The following CNR1 variants were observed in gnomAD, a reference collection of about 807,000 sequenced individuals.
CNR1 encodes the protein cannabinoid receptor 1.
Under a neutral mutation model 23.0 loss-of-function variants are expected in CNR1, and 10 were observed. The ratio of observed to expected loss-of-function variants is 0.43; its 90% confidence interval spans 0.27 to 0.74. CNR1 has a LOEUF of 0.74. Ranked by LOEUF, CNR1 falls within the 30% of genes least tolerant of loss-of-function variation. CNR1 has a pLI of 0.19. For synonymous variants in CNR1, 271 were observed against 255.2 expected (o/e 1.06, Z -0.59); for missense variants, 422 against 618.8 (o/e 0.68, Z 3.37).
At chr6:88,145,773 A>C (rs1777146895) in intron 1 of CNR1, among the ~76,000 whole-genome samples, 1 of 152,240 alleles carries the variant, frequency 6.6e-6, no homozygotes, top group Non-Finnish European at 1.5e-5. Context: ...GATGTGTCAC[A>C]TGACCCCTAC....
chr6:88,148,260 T>C (rs1429703183), intron 1 of CNR1, among the ~76,000 whole-genome samples: 1 of 152,238 alleles, frequency 6.6e-6, no homozygotes, highest in Non-Finnish European at 1.5e-5. Flanking sequence ...ACACCCTTTC[T>C]GGGCTCCCAG....
Position 88,144,190 on chromosome 6 carries a change from A to G in CNR1, c.1085T>C (p.Ile362Thr). The change falls in exon 2 of 2, where the codon ATC (isoleucine) becomes ACC (threonine). Residue 362 changes from isoleucine (I) to threonine (T), a missense_variant. This residue lies in a region of CNR1 where 211 missense variants were observed against 357.3 expected (regional missense o/e 0.59). Coordinates refer to ENST00000369501, the MANE Select transcript of CNR1 (RefSeq NM_016083.6). The surrounding 1 kb of genome is among the most constrained non-coding windows in gnomAD (Gnocchi z 7.8). ...LIICWGPLLA[I>T]MVYDVFGKMN... ...CTTCCCAAAGACATCATACACCATG[A>G]TTGCAAGCAGAGGGCCCCAGCAGAT... 6.2e-7 allele frequency: 1 copy of G among 1,613,380 alleles called. No homozygotes were observed. The highest frequency in any genetic ancestry group is 8.5e-7 in the Non-Finnish European group (1 of 1,179,996).
chr6:88,157,427 AC>A (rs1777861545), intron 1 of CNR1, among the ~76,000 whole-genome samples: 1 of 152,216 alleles, frequency 6.6e-6, no homozygotes, highest in Non-Finnish European at 1.5e-5. Flanking sequence ...TATGTATTTT[AC>A]AACTGAATTA....
chr6:88,152,824 G>A (rs1293732195), intron 1 of CNR1, among the ~76,000 whole-genome samples: 1 of 152,132 alleles, frequency 6.6e-6, no homozygotes, highest in Non-Finnish European at 1.5e-5. Context: ...CTTCCTTTGA[G>A]AGTTCATTAC....
chr6:88,144,917 C>T lies in CNR1; in HGVS notation c.358G>A (p.Ala120Thr). Residue 120 changes from alanine (A) to threonine (T), a missense_variant, in exon 2 of 2, where the codon GCA becomes ACA. Ala to Thr is a moderately conservative substitution (Grantham distance 58, BLOSUM62 0). This residue lies in a region of CNR1 where 211 missense variants were observed against 357.3 expected (regional missense o/e 0.59). Coordinates refer to ENST00000369501, the MANE Select transcript of CNR1 (RefSeq NM_016083.6). The surrounding 1 kb of genome is among the most constrained non-coding windows in gnomAD (Gnocchi z 7.8). ...VLNPSQQLAIAVLSLTLGTFT... is the reference protein window; with the variant it reads ...VLNPSQQLAITVLSLTLGTFT... ...GTGCCCAGCGTGAGGGACAGGACTG[C>T]AATGGCCAGCTGCTGGCTGGGGTTC... 1.2e-6 allele frequency: 2 copies of T among 1,614,204 alleles called. No homozygotes were observed. Among genetic ancestry groups the T allele is most frequent in the Middle Eastern group, 1.6e-4 (1 of 6,062 alleles).
At chr6:88,148,983 C>T (rs1475642664) in intron 1 of CNR1, among the ~76,000 whole-genome samples, 1 of 152,136 alleles carries the variant, frequency 6.6e-6, no homozygotes. Context: ...GTCTGGGCTT[C>T]TGAACCAGTT....
intron 1 of CNR1, among the ~76,000 whole-genome samples, chr6:88,150,872 G>C (rs915772622): frequency 3.9e-5 from 6 of 152,196 alleles, no homozygotes; most frequent in African/African-American, 1.4e-4. Context: ...AGTTTGCAAG[G>C]AGCAAGAGTT....
intron 1 of CNR1, among the ~76,000 whole-genome samples, chr6:88,152,260 C>T (rs1386128316): frequency 6.6e-6 from 1 of 150,986 alleles, no homozygotes; most frequent in Non-Finnish European, 1.5e-5. Flanking sequence ...AGGCATTTTG[C>T]CAATAGTAAT....
chr6:88,150,657 C>T (rs889295323), intron 1 of CNR1, among the ~76,000 whole-genome samples: 1 of 152,136 alleles, frequency 6.6e-6, no homozygotes, highest in African/African-American at 2.4e-5. Context: ...TAAATTGAAT[C>T]CAACCACAGG....
rs1303777021 is a variant in CNR1, at chr6:88,143,346, A to G, written c.*510T>C. On this transcript the variant is annotated 3_prime_UTR_variant, in exon 2 of 2. Transcript: ENST00000369501. ...TCCACTGCTTGTCCATTGTTCTCATAAAAGTCTACCTTTCAGTTTTGCTGA... is the reference window on the plus strand; with the variant it reads ...TCCACTGCTTGTCCATTGTTCTCATGAAAGTCTACCTTTCAGTTTTGCTGA... 1 of 154,110 alleles carries G rather than the reference A, an allele frequency of 6.5e-6. No individual in the cohort carries two copies. The highest frequency in any genetic ancestry group is 1.4e-5 in the Non-Finnish European group (1 of 69,072). 9.5% of individuals were successfully genotyped at this position (154,110 alleles called of 1,614,324 possible).
chr6:88,153,078 T>C (rs1215040955), intron 1 of CNR1, among the ~76,000 whole-genome samples: 1 of 152,210 alleles, frequency 6.6e-6, no homozygotes, highest in East Asian at 1.9e-4. Flanking sequence ...AATCATGACT[T>C]CATAGTAAAG....
intron 1 of CNR1, among the ~76,000 whole-genome samples, chr6:88,163,343 G>C (rs1171326987): frequency 6.6e-6 from 1 of 152,188 alleles, no homozygotes. Flanking sequence ...CTAGTTATGG[G>C]AAATAATCCC....
chr6:88,150,400 C>T (rs1253370948), intron 1 of CNR1, among the ~76,000 whole-genome samples: 2 of 152,154 alleles, frequency 1.3e-5, no homozygotes, highest in Non-Finnish European at 2.9e-5. Context: ...CAGAGATACT[C>T]CATGCATATT....
At chr6:88,158,589 CAAA>C (rs1275813138) in intron 1 of CNR1, among the ~76,000 whole-genome samples, 1 of 152,096 alleles carries the variant, frequency 6.6e-6, no homozygotes, top group East Asian at 1.9e-4. Context: ...TCTATGGAAA[CAAA>C]AACTCTAGGG....
intron 1 of CNR1, among the ~76,000 whole-genome samples, chr6:88,163,491 C>A (rs556439244): frequency 1.3e-5 from 2 of 152,280 alleles, no homozygotes; most frequent in South Asian, 2.1e-4. Flanking sequence ...CACTAATATG[C>A]AAGACAACCA....
chr6:88,145,361 G>T, intron 1 of CNR1, 24 bp from the exon 2 acceptor site: 3 of 1,050,364 alleles, frequency 2.9e-6, no homozygotes, highest in South Asian at 1.5e-5. Context: ...AAACAAATAA[G>T]CCGAATGGTG....
rs920665435 is a variant in CNR1 at position 88,140,431 on chromosome 6, A to G, written c.*3425T>C. Reference sequence around the variant, plus strand: ...ACTGCTCAAACATCTGACTTTTTAGAAACCTATTTACATACATTCAGCCCA... The same window carrying G: ...ACTGCTCAAACATCTGACTTTTTAGGAACCTATTTACATACATTCAGCCCA... On this transcript the variant is annotated 3_prime_UTR_variant, in exon 2 of 2. Transcript: ENST00000369501. 6.5e-6 allele frequency: 1 copy of G among 152,810 alleles called. No homozygotes were observed. The highest frequency in any genetic ancestry group is 6.5e-5 in the Admixed American group (1 of 15,286). The allele number at this position is 152,810 out of a possible 1,614,324, so 9.5% of individuals were successfully genotyped here.
chr6:88,146,070 A>G (rs1777163362), intron 1 of CNR1, among the ~76,000 whole-genome samples: 2 of 152,122 alleles, frequency 1.3e-5, no homozygotes, highest in African/African-American at 4.8e-5. Context: ...CAAACTTGCA[A>G]TGAGGCGTAT....
intron 1 of CNR1, among the ~76,000 whole-genome samples, chr6:88,153,218 C>A (rs148099243): frequency 0.01 from 1,546 of 152,238 alleles, 38 homozygotes; most frequent in African/African-American, 0.035. Context: ...TCCAAGAAAA[C>A]CATATCTATC....
Sources: allele counts gnomAD v4.1 joint callset (sites outside exome capture counted in the v4.1 genomes callset), GRCh38; gene constraint gnomAD v4.1.1; regional missense constraint gnomAD v4.1.1; non-coding constraint Gnocchi (gnomAD v3.1); transcripts MANE v1.5; gene names NCBI Gene and HGNC (gene_info 2026-07-23, HGNC 2026-07-21).